Variants in CHMP4C observed in about 807,000 individuals in gnomAD.
The protein encoded by CHMP4C is charged multivesicular body protein 4C.
A neutral mutation model predicts 29.0 loss-of-function variants in CHMP4C; 28 were observed. The observed-to-expected ratio is 0.97, with a 90% confidence interval of 0.72 to 1.32. The LOEUF (loss-of-function observed/expected upper bound fraction) is 1.32, where lower values mean the gene tolerates loss of function less well. Ranked by LOEUF, CHMP4C falls within the 40% of genes most tolerant of loss-of-function variation. CHMP4C has a pLI of 0.00. For missense variants in CHMP4C, 291 were observed against 281.0 expected (o/e 1.04, Z -0.25); for synonymous variants, 106 against 102.4 (o/e 1.04, Z -0.21).
intron 1 of CHMP4C, among the ~76,000 whole-genome samples, chr8:81,745,471 G>GT (rs1808811401): frequency 6.6e-6 from 1 of 152,152 alleles, no homozygotes; most frequent in African/African-American, 2.4e-5. Context: ...AGAACAGGTT[G>GT]ACTTTTAAAA....
chr8:81,736,138 A>G (rs913695319), intron 1 of CHMP4C, among the ~76,000 whole-genome samples: 4 of 135,566 alleles, frequency 3.0e-5, no homozygotes, highest in Non-Finnish European at 6.5e-5. Context: ...TAAATAAATA[A>G]ATGTTAGAAA....
chr8:81,735,086 G>A (rs1808670952), intron 1 of CHMP4C, among the ~76,000 whole-genome samples: 1 of 152,024 alleles, frequency 6.6e-6, no homozygotes, highest in African/African-American at 2.4e-5. Context: ...TAGATACGGG[G>A]TTTCACCATG....
chr8:81,753,296 C>G, intron 2 of CHMP4C, 55 bp downstream of exon 2: 2 of 1,371,816 alleles, frequency 1.5e-6, no homozygotes, highest in Non-Finnish European at 1.9e-6. Context: ...TTGGGAAGAA[C>G]CTTTGGAACC....
Position 81,740,766 on chromosome 8 carries a change from G to A in CHMP4C, c.190+7950G>A, listed in dbSNP as rs888343909. On this transcript the variant is annotated intron_variant, in intron 1 of 4. Transcript: ENST00000297265. ...AAATGCTGGCTTCTGAACTGATAGC[G>A]TGTTACCTTCATCAGATTCTCTGGA... 6.6e-5 allele frequency among the ~76,000 whole-genome samples: 10 copies of A among 152,286 alleles called. No homozygotes were observed. In the South Asian group the frequency reaches 8.3e-4, roughly 13 times the overall value.
intron 1 of CHMP4C, among the ~76,000 whole-genome samples, chr8:81,744,231 A>C (rs1216602970): frequency 6.6e-6 from 1 of 152,196 alleles, no homozygotes; most frequent in Non-Finnish European, 1.5e-5. Context: ...CAAATCTTTA[A>C]AACGAAGATG....
chr8:81,758,082 T>C (rs1808992671), intron 3 of CHMP4C, 60 bp from the exon 4 acceptor site: 1 of 1,513,802 alleles, frequency 6.6e-7, no homozygotes, highest in Non-Finnish European at 9.1e-7. Context: ...GTTATTGTGT[T>C]TGAGGAAACC....
At chr8:81,736,924 T>C (rs970557745) in intron 1 of CHMP4C, among the ~76,000 whole-genome samples, 6 of 152,226 alleles carry the variant, frequency 3.9e-5, no homozygotes, top group Admixed American at 2.6e-4. Flanking sequence ...TTCAAATTTA[T>C]CTGGCAGTTA....
intron 1 of CHMP4C, 27 bp from the exon 2 acceptor site, chr8:81,753,037 A>G (rs775167531): frequency 1.3e-6 from 2 of 1,570,590 alleles, no homozygotes; most frequent in Non-Finnish European, 1.7e-6. Context: ...TCTCTTTCCT[A>G]ATAAATGTGG....
At chr8:81,748,189 A>C (rs577921129) in intron 1 of CHMP4C, among the ~76,000 whole-genome samples, 4 of 152,332 alleles carry the variant, frequency 2.6e-5, no homozygotes, top group African/African-American at 9.6e-5. Flanking sequence ...GTCAGAGTTT[A>C]AGGTTATCTC....
At chr8:81,739,430 G>GGGGGGA (rs1563618685) in intron 1 of CHMP4C, among the ~76,000 whole-genome samples, 4 of 118,806 alleles carry the variant, frequency 3.4e-5, no homozygotes, top group Non-Finnish European at 5.3e-5. Context: ...GGGGGGGGTG[G>GGGGGGA]AAAAAAAAAA....
intron 1 of CHMP4C, among the ~76,000 whole-genome samples, chr8:81,746,376 C>G (rs1042925139): frequency 6.6e-6 from 1 of 152,182 alleles, no homozygotes; most frequent in Admixed American, 6.5e-5. Context: ...GCACTGAATC[C>G]CAACAGTGCT....
At chr8:81,738,936 G>A (rs1216809846) in intron 1 of CHMP4C, among the ~76,000 whole-genome samples, 1 of 152,090 alleles carries the variant, frequency 6.6e-6, no homozygotes, top group Admixed American at 6.6e-5. Context: ...AATTTATGAA[G>A]TATTATTCAA....
At chr8:81,736,085 CAATAAATAAATAAATAAATA>C (rs55869119) in intron 1 of CHMP4C, among the ~76,000 whole-genome samples, 4,066 of 135,882 alleles carry the variant, frequency 0.03, 195 homozygotes, top group African/African-American at 0.1. Flanking sequence ...GACTATGTCT[CAATAAATAAATAAATAAATA>C]AATAAATAAA....
rs368140909 is a variant in CHMP4C at position 81,751,251 on chromosome 8, G to A, written c.191-1813G>A. Among the ~76,000 whole-genome samples, 22 of 150,642 alleles carry A rather than the reference G, an allele frequency of 1.5e-4. No individual in the cohort carries two copies. In the East Asian group the frequency reaches 2.5e-3, roughly 17 times the overall value. On this transcript the variant is annotated intron_variant, in intron 1 of 4. Coordinates refer to ENST00000297265, the MANE Select transcript of CHMP4C (RefSeq NM_152284.4). ...AAGAGGACAATATAGAATACAAGAA[G>A]CAATAGTAAGAAATTTATAAATGAT...
At chr8:81,749,694 T>C (rs1808872525) in intron 1 of CHMP4C, among the ~76,000 whole-genome samples, 1 of 152,188 alleles carries the variant, frequency 6.6e-6, no homozygotes, top group Admixed American at 6.6e-5. Flanking sequence ...TCATTTTAAG[T>C]GATGTTCCCT....
Position 81,758,285 on chromosome 8 carries a change from A to G in CHMP4C, c.627A>G (p.Arg209=). The G allele has an allele frequency of 6.2e-7, 1 of 1,613,976 alleles. No individual in the cohort carries two copies. The highest frequency in any genetic ancestry group is 8.5e-7 in the Non-Finnish European group (1 of 1,179,930). The change falls in exon 4 of 5, where the codon CGA becomes CGG. Residue 209 remains arginine (R), a synonymous_variant. Coordinates refer to ENST00000297265, the MANE Select transcript of CHMP4C (RefSeq NM_152284.4). ...CAGGCATGTCGTCCACTGCACGTCG[A>G]TCCCGAGCAGGTCTGTTACCCAGCT... ...RKPGMSSTAR[R]SRAASSQRAE...
chr8:81,741,656 G>T (rs1808763941), intron 1 of CHMP4C, among the ~76,000 whole-genome samples: 1 of 152,162 alleles, frequency 6.6e-6, no homozygotes, highest in Admixed American at 6.5e-5. Flanking sequence ...TTTGTACTAT[G>T]CCTAAGTACA....
Position 81,755,366 on chromosome 8 carries a change from C to T in CHMP4C, c.369-4C>T. The T allele has an allele frequency of 3.3e-6, 5 of 1,529,040 alleles. No homozygotes were observed. Among genetic ancestry groups the T allele is most frequent in the Non-Finnish European group, 3.6e-6 (4 of 1,115,792 alleles). 94.7% of individuals were successfully genotyped at this position (1,529,040 alleles called of 1,614,324 possible). The stretch of plus-strand genomic sequence containing the variant: ...AAAATGTTCAACAAAATATGATTTC[C>T]CAGGGATCTGAACAAAATAGATGAT... On this transcript the variant is annotated splice_polypyrimidine_tract_variant and splice_region_variant and intron_variant, in intron 2 of 4. Coordinates refer to ENST00000297265, the MANE Select transcript of CHMP4C (RefSeq NM_152284.4).
At chr8:81,734,426 G>C (rs935494316) in intron 1 of CHMP4C, among the ~76,000 whole-genome samples, 8 of 152,192 alleles carry the variant, frequency 5.3e-5, no homozygotes, top group Non-Finnish European at 1.2e-4. Context: ...TGCCGCCCAG[G>C]TTCAAGCGAT....
Sources: allele counts gnomAD v4.1 joint callset (sites outside exome capture counted in the v4.1 genomes callset), GRCh38; gene constraint gnomAD v4.1.1; transcripts MANE v1.5; gene names NCBI Gene and HGNC (gene_info 2026-07-23, HGNC 2026-07-21).